The following KCNC1 variants were observed in gnomAD, a reference collection of about 807,000 sequenced individuals.
The protein encoded by KCNC1 is potassium voltage-gated channel subfamily C member 1, also known as voltage-gated potassium channel KCNC1.
KCNC1 carries 8 observed loss-of-function variants against 43.4 expected under a neutral mutation model. The ratio of observed to expected loss-of-function variants is 0.18; its 90% CI spans 0.11 to 0.33. The LOEUF (loss-of-function observed/expected upper bound fraction) is 0.33, where lower values mean the gene tolerates loss of function less well. Ranked by LOEUF, KCNC1 falls within the 10% of genes least tolerant of loss-of-function variation. KCNC1 has a pLI of 1.00. For synonymous variants in KCNC1, 361 were observed against 360.5 expected (o/e 1.00, Z -0.01); for missense variants, 420 against 836.0 (o/e 0.50, Z 6.14).
rs1383660827 is a variant in KCNC1, at chr11:17,779,602, A to G, written c.1651A>G (p.Thr551Ala). ...ATACGGACCCTGCTTCCTCTTATCA[A>G]CCGGGGAGTACGCGTGCCCACCTGG... is the stretch of plus-strand genomic sequence containing the variant. ...ERYGPCFLLS[T>A]GEYACPPGGG... The change falls in exon 3 of 4, where the codon ACC becomes GCC. Residue 551 changes from threonine (T) to alanine (A), a missense_variant. Transcript: ENST00000265969. This position sits in a 1 kb window ranked among gnomAD's most constrained non-coding sequence, Gnocchi z 7.2. 6.4e-7 allele frequency: 1 copy of G among 1,551,046 alleles called. No individual in the cohort carries two copies. The highest frequency in any genetic ancestry group is 2.0e-5 in the Admixed American group (1 of 50,874).
rs990847369 is a variant in KCNC1 at position 17,747,332 on chromosome 11, G to T, written c.570+10760G>T. On this transcript the variant is annotated intron_variant, in intron 1 of 3. Transcript: ENST00000265969. Reference sequence around the variant, plus strand: ...TTCCTCCATCCCCAGGTGTGGCAGGGTATAAAGGGGAGGATGATGGAACGT... The same window carrying T: ...TTCCTCCATCCCCAGGTGTGGCAGGTTATAAAGGGGAGGATGATGGAACGT... Among the ~76,000 whole-genome samples the T allele has an allele frequency of 5.3e-5, 8 of 152,210 alleles. No homozygotes were observed. In the East Asian group the frequency reaches 1.5e-3, roughly 29 times the overall value.
In KCNC1 at chr11:17,736,154, G is replaced by A. The variant is rs766715132; in HGVS notation, c.152G>A (p.Arg51His). ...DAHSHFDYDP[R>H]ADEFFFDRHP... ...CACAGCCACTTCGACTATGACCCGC[G>A]TGCTGACGAGTTCTTCTTCGACCGC... Residue 51 changes from arginine (R) to histidine (H), a missense_variant, in exon 1 of 4, where the codon CGT (arginine) becomes CAT (histidine). Physicochemically the swap from Arg to His is conservative, Grantham distance 29. Around this residue, in one of 5 missense-constraint regions of KCNC1, gnomAD observed 42 missense variants for 81.5 expected, o/e 0.52. Coordinates refer to ENST00000265969, the MANE Select transcript of KCNC1 (RefSeq NM_001112741.2). This position sits in a 1 kb window ranked among gnomAD's most constrained non-coding sequence, Gnocchi z 9.3. 4 of 1,613,416 alleles carry A rather than the reference G, an allele frequency of 2.5e-6. No homozygotes were observed. The highest frequency in any genetic ancestry group is 3.4e-6 in the Non-Finnish European group (4 of 1,179,746).
intron 1 of KCNC1, among the ~76,000 whole-genome samples, chr11:17,748,064 A>T (rs1379848820): frequency 6.6e-6 from 1 of 152,222 alleles, no homozygotes; most frequent in Non-Finnish European, 1.5e-5. Flanking sequence ...AGAAGCTGAG[A>T]ATAGGGCAAA....
chr11:17,778,812 C>T (rs551647978), intron 2 of KCNC1, among the ~76,000 whole-genome samples: 8 of 132,348 alleles, frequency 6.0e-5, no homozygotes, highest in Admixed American at 9.4e-5. Context: ...CAGAGTGACC[C>T]GCTTGGGTCT....
Position 17,771,612 on chromosome 11 carries a change from G to A in KCNC1, c.571-53G>A. 6.6e-7 allele frequency: 1 copy of A among 1,513,052 alleles called. No homozygotes were observed. Among genetic ancestry groups the A allele is most frequent in the South Asian group, 1.2e-5 (1 of 80,296 alleles). The allele number at this position is 1,513,052 out of a possible 1,614,324, so 93.7% of individuals were successfully genotyped here. ...CTGGGACTGGACAGAGGCAACCCAG[G>A]CTTCTCCACTCTGGGTGGGCCTCCC... is the stretch of plus-strand genomic sequence containing the variant. On this transcript the variant is annotated intron_variant, in intron 1 of 3. Coordinates refer to ENST00000265969, the MANE Select transcript of KCNC1 (RefSeq NM_001112741.2). The surrounding 1 kb of genome is among the most constrained non-coding windows in gnomAD (Gnocchi z 4.7).
At chr11:17,756,108 T>TC (rs1365807559) in intron 1 of KCNC1, among the ~76,000 whole-genome samples, 1 of 152,124 alleles carries the variant, frequency 6.6e-6, no homozygotes, top group Non-Finnish European at 1.5e-5. Context: ...TGAGCAGCGC[T>TC]CCCCTTCTCT....
At position 17,772,030 on chromosome 11, in the gene KCNC1, C is replaced by T. The variant is rs746587285; in HGVS notation, c.936C>T (p.Val312=). The T allele has an allele frequency of 5.6e-6, 9 of 1,613,216 alleles. No individual in the cohort carries two copies. Among genetic ancestry groups the T allele is most frequent in the South Asian group, 1.1e-5 (1 of 91,084 alleles). The change falls in exon 2 of 4, where the codon GTC becomes GTT. Residue 312 remains valine (V), a synonymous_variant. Coordinates refer to ENST00000265969, the MANE Select transcript of KCNC1 (RefSeq NM_001112741.2). Reference sequence around the variant, plus strand: ...AGGACGTGCTGGGCTTCCTGCGCGTCGTCCGCTTCGTGCGCATCTTGCGCA... The same window carrying T: ...AGGACGTGCTGGGCTTCCTGCGCGTTGTCCGCTTCGTGCGCATCTTGCGCA... The part of the protein sequence containing the change: ...AAKDVLGFLR[V]VRFVRILRIF...
chr11:17,769,096 C>T (rs531529055), intron 1 of KCNC1, among the ~76,000 whole-genome samples: 2 of 152,388 alleles, frequency 1.3e-5, no homozygotes, highest in African/African-American at 2.4e-5. Flanking sequence ...CCCTGCCTCT[C>T]TCAAGTGCGC....
At position 17,736,097 on chromosome 11, in the gene KCNC1, C is replaced by T; in HGVS notation, c.95C>T (p.Thr32Met). 6.2e-7 allele frequency: 1 copy of T among 1,608,446 alleles called. No homozygotes were observed. Among genetic ancestry groups the T allele is most frequent in the Non-Finnish European group, 8.5e-7 (1 of 1,177,590 alleles). Residue 32 changes from threonine (T) to methionine (M), a missense_variant, in exon 1 of 4, where the codon ACG becomes ATG. This residue lies in a region of KCNC1 where 42 missense variants were observed against 81.5 expected (regional missense o/e 0.52). Coordinates refer to ENST00000265969, the MANE Select transcript of KCNC1 (RefSeq NM_001112741.2). The surrounding 1 kb of genome is among the most constrained non-coding windows in gnomAD (Gnocchi z 9.3). ...YRSTLRTLPG[T>M]RLAWLAEPDA... ...TCGACCCTGCGCACGCTGCCCGGCA[C>T]GCGGCTCGCCTGGCTGGCGGAGCCC...
rs1275214413 is a variant in KCNC1, at chr11:17,773,847, C to T, written c.1504+1249C>T. On this transcript the variant is annotated intron_variant, in intron 2 of 3. Transcript: ENST00000265969. This position sits in a 1 kb window ranked among gnomAD's most constrained non-coding sequence, Gnocchi z 4.1. ...GAGTGCCAGGTGAGCAGGAGGTTGA[C>T]GTGACAGGTGGCATTTAGTCTATGA... 7.1e-6 allele frequency: 7 copies of T among 985,386 alleles called. No individual in the cohort carries two copies. The African/African-American group carries it at 8.7e-5, about 12-fold the overall frequency. 61.0% of individuals were successfully genotyped at this position (985,386 alleles called of 1,614,324 possible). A position where few individuals can be genotyped will look rare whatever the true frequency, so the allele number is the denominator to read the frequency against.
In KCNC1 at chr11:17,781,392, TG is replaced by T. The variant is rs1237630927; in HGVS notation, c.1694-277del. On this transcript the variant is annotated intron_variant, in intron 3 of 3. Coordinates refer to ENST00000265969, the MANE Select transcript of KCNC1 (RefSeq NM_001112741.2). This position sits in a 1 kb window ranked among gnomAD's most constrained non-coding sequence, Gnocchi z 5.1. The stretch of plus-strand genomic sequence containing the variant: ...GGAGCCACGACAGCCGCCGAGGACT[TG>T]TTTTTCTCAGGCTAATTCTGAGCCA... The T allele has an allele frequency of 2.4e-6, 1 of 416,782 alleles. No homozygotes were observed. The highest frequency in any genetic ancestry group is 4.2e-5 in the Admixed American group (1 of 23,952). 25.8% of individuals were successfully genotyped at this position (416,782 alleles called of 1,614,324 possible).
intron 1 of KCNC1, among the ~76,000 whole-genome samples, chr11:17,737,496 C>T (rs1051902984): frequency 1.3e-5 from 2 of 152,080 alleles, no homozygotes; most frequent in South Asian, 4.1e-4. Flanking sequence ...GACCTTGGTC[C>T]CTCAGATGGC....
intron 1 of KCNC1, among the ~76,000 whole-genome samples, chr11:17,749,940 C>T (rs10734255): frequency 0.86 from 131,616 of 152,218 alleles, 57,176 homozygotes; most frequent in East Asian, 1. Context: ...AGGGAGAAAA[C>T]ACAGTTCTGA....
Position 17,736,406 on chromosome 11 carries a change from A to G in KCNC1, c.404A>G (p.Asp135Gly). The change falls in exon 1 of 4, where the codon GAC becomes GGC. Residue 135 changes from aspartate to glycine, a missense_variant. Asp to Gly is a moderately conservative substitution (Grantham distance 94, BLOSUM62 -1). Around this residue, in one of 5 missense-constraint regions of KCNC1, gnomAD observed 151 missense variants for 216.7 expected, o/e 0.70. Transcript: ENST00000265969. The surrounding 1 kb of genome is among the most constrained non-coding windows in gnomAD (Gnocchi z 9.3). ...CTGGACAACAGCGCCGACGACGCGG[A>G]CGCCGACGGCCCTGGCGACTCGGGC... ...APLDNSADDA[D>G]ADGPGDSGDG... The G allele has an allele frequency of 6.2e-7, 1 of 1,609,266 alleles. No individual in the cohort carries two copies. The highest frequency in any genetic ancestry group is 1.1e-5 in the South Asian group (1 of 90,828).
rs1169182475 is a variant in KCNC1 at position 17,736,625 on chromosome 11, G to A, written c.570+53G>A. ...GCGGGGCGGGAAGGCAGCGTCCTGT[G>A]CCTCCCCGCGGGCAGGGGTGGACCG... is the stretch of plus-strand genomic sequence containing the variant. On this transcript the variant is annotated intron_variant, in intron 1 of 3. Transcript: ENST00000265969. The surrounding 1 kb of genome is among the most constrained non-coding windows in gnomAD (Gnocchi z 9.3). 2.2e-5 allele frequency: 32 copies of A among 1,448,968 alleles called. No individual in the cohort carries two copies. The highest frequency in any genetic ancestry group is 2.9e-5 in the Non-Finnish European group (32 of 1,108,010). The allele number at this position is 1,448,968 out of a possible 1,614,324, so 89.8% of individuals were successfully genotyped here.
intron 3 of KCNC1, chr11:17,780,951 A>G (rs985155643): frequency 6.6e-6 from 1 of 152,290 alleles, no homozygotes; most frequent in Non-Finnish European, 1.5e-5. Flanking sequence ...GGCACCGGCC[A>G]TGGATGGGCC....
At chr11:17,754,795 C>A (rs1377519103) in intron 1 of KCNC1, among the ~76,000 whole-genome samples, 1 of 152,190 alleles carries the variant, frequency 6.6e-6, no homozygotes, top group Non-Finnish European at 1.5e-5. Flanking sequence ...GTAAATTAGA[C>A]AGTGTCAATG....
At chr11:17,751,420 G>A (rs1423872462) in intron 1 of KCNC1, among the ~76,000 whole-genome samples, 2 of 152,214 alleles carry the variant, frequency 1.3e-5, no homozygotes, top group Non-Finnish European at 2.9e-5. Context: ...AAGGATGGAT[G>A]GAGGACCATG....
At chr11:17,754,412 G>C (rs1849001769) in intron 1 of KCNC1, among the ~76,000 whole-genome samples, 1 of 152,240 alleles carries the variant, frequency 6.6e-6, no homozygotes, top group Non-Finnish European at 1.5e-5. Context: ...CAACGATTGT[G>C]TACATTGCCA....
Sources: allele counts gnomAD v4.1 joint callset (sites outside exome capture counted in the v4.1 genomes callset), GRCh38; gene constraint gnomAD v4.1.1; regional missense constraint gnomAD v4.1.1; non-coding constraint Gnocchi (gnomAD v3.1); transcripts MANE v1.5; gene names NCBI Gene and HGNC (gene_info 2026-07-23, HGNC 2026-07-21).